EPHB1: variants seen among roughly 807,000 people sequenced by gnomAD.
EPHB1 encodes ephrin type-B receptor 1.
Under a neutral mutation model 94.4 loss-of-function variants are expected in EPHB1, and 30 were observed. The ratio of observed to expected loss-of-function variants is 0.32; its 90% CI spans 0.24 to 0.43. The LOEUF is 0.43. Ranked by LOEUF, EPHB1 falls within the 20% of genes least tolerant of loss-of-function variation. The pLI, the probability that EPHB1 is intolerant of heterozygous loss-of-function variation, is 1.00. For missense variants in EPHB1, 1,055 were observed against 1,308.3 expected (o/e 0.81, Z 2.99); for synonymous variants, 522 against 489.1 (o/e 1.07, Z -0.89).
chr3:134,862,406 C>T (rs2037284295), intron 1 of EPHB1, among the ~76,000 whole-genome samples: 1 of 151,564 alleles, frequency 6.6e-6, no homozygotes, highest in Admixed American at 6.6e-5. Flanking sequence ...GATTTAACCA[C>T]AGTTCTTTCT....
intron 1 of EPHB1, among the ~76,000 whole-genome samples, chr3:134,847,685 G>A (rs1381557328): frequency 2.0e-5 from 3 of 152,216 alleles, no homozygotes; most frequent in African/African-American, 7.2e-5. Context: ...GCATCCTCAC[G>A]AGTATCACAG....
At chr3:134,964,814 G>A (rs947381392) in intron 3 of EPHB1, among the ~76,000 whole-genome samples, 1 of 151,966 alleles carries the variant, frequency 6.6e-6, no homozygotes, top group Admixed American at 6.6e-5. Context: ...GACTTGTTTC[G>A]AAAAGAGGGA....
At chr3:134,970,119 C>T (rs1933909558) in intron 3 of EPHB1, among the ~76,000 whole-genome samples, 1 of 152,136 alleles carries the variant, frequency 6.6e-6, no homozygotes, top group African/African-American at 2.4e-5. Context: ...TTGATGAAGT[C>T]CAGTTAATCC....
intron 1 of EPHB1, among the ~76,000 whole-genome samples, chr3:134,857,515 C>T (rs1413360354): frequency 2.6e-5 from 4 of 152,128 alleles, no homozygotes; most frequent in African/African-American, 9.7e-5. Context: ...CTCAATAGCT[C>T]CTCCTGTGCA....
intron 1 of EPHB1, among the ~76,000 whole-genome samples, chr3:134,824,829 ACAGCCAGCACCAACTGC>A (rs993158767): frequency 4.1e-4 from 62 of 152,236 alleles, no homozygotes; most frequent in African/African-American, 1.3e-3. Context: ...CTTCCAGCTG[ACAGCCAGCACCAACTGC>A]CAGCCAGCAC....
In EPHB1 at chr3:135,248,353, C is replaced by A. The variant is rs1473679734; in HGVS notation, c.2534C>A (p.Pro845Gln). The A allele has an allele frequency of 1.3e-6, 2 of 1,598,542 alleles. No individual in the cohort carries two copies. The highest frequency in any genetic ancestry group is 2.7e-5 in the African/African-American group (2 of 74,540). Residue 845 changes from proline (P) to glutamine (Q), a missense_variant, in exon 14 of 16, where the codon CCA becomes CAA. Coordinates refer to ENST00000398015, the MANE Select transcript of EPHB1 (RefSeq NM_004441.5). Reference protein sequence around the residue: ...NAIEQDYRLPPPMDCPAALHQ... With the variant: ...NAIEQDYRLPQPMDCPAALHQ... ...ATCGAGCAGGACTACCGGCTGCCCC[C>A]ACCCATGGACTGTCCAGCTGCTCTA...
intron 1 of EPHB1, among the ~76,000 whole-genome samples, chr3:134,887,580 A>G (rs2037885531): frequency 6.6e-6 from 1 of 152,228 alleles, no homozygotes; most frequent in Non-Finnish European, 1.5e-5. Flanking sequence ...ATTTGTTTCC[A>G]TTTATATCTT....
chr3:134,827,956 A>G (rs1042858170), intron 1 of EPHB1, among the ~76,000 whole-genome samples: 32 of 152,004 alleles, frequency 2.1e-4, no homozygotes, highest in African/African-American at 7.2e-4. Context: ...CCTCACCAGC[A>G]TCTCTTTGTT....
At chr3:135,223,385 T>C (rs1943317726) in intron 12 of EPHB1, among the ~76,000 whole-genome samples, 1 of 152,230 alleles carries the variant, frequency 6.6e-6, no homozygotes, top group Non-Finnish European at 1.5e-5. Context: ...TACCAAGGTT[T>C]CCTTTCAAAC....
chr3:134,809,382 T>TAAA (rs1553852866), intron 1 of EPHB1, among the ~76,000 whole-genome samples: 1 of 139,384 alleles, frequency 7.2e-6, no homozygotes, highest in African/African-American at 2.9e-5. Context: ...TTTTTTTTTT[T>TAAA]AAAAAAACAC....
chr3:135,099,255 A>C (rs1461658853), intron 3 of EPHB1, among the ~76,000 whole-genome samples: 1 of 152,208 alleles, frequency 6.6e-6, no homozygotes, highest in Non-Finnish European at 1.5e-5. Flanking sequence ...CAAAGATGGC[A>C]ACACCTATTA....
chr3:135,158,839 C>T (rs7620133), intron 6 of EPHB1, among the ~76,000 whole-genome samples: 39,090 of 152,072 alleles, frequency 0.26, 6,199 homozygotes, highest in East Asian at 0.56. Flanking sequence ...AATGATTAAA[C>T]GTTTATGGTT....
At chr3:134,839,438 T>C (rs2036737308) in intron 1 of EPHB1, among the ~76,000 whole-genome samples, 1 of 152,120 alleles carries the variant, frequency 6.6e-6, no homozygotes, top group Non-Finnish European at 1.5e-5. Flanking sequence ...GAGATGGTCA[T>C]GGAAGAAAGC....
chr3:135,227,458 A>C (rs1943429053), intron 12 of EPHB1, among the ~76,000 whole-genome samples: 1 of 152,138 alleles, frequency 6.6e-6, no homozygotes, highest in African/African-American at 2.4e-5. Flanking sequence ...TTACTCTCAA[A>C]AAAATGGTCT....
chr3:135,258,072 TCGTGCACGCA>T (rs1453650824), intron 15 of EPHB1, among the ~76,000 whole-genome samples: 2 of 152,092 alleles, frequency 1.3e-5, no homozygotes, highest in Non-Finnish European at 2.9e-5. Context: ...CTGCTTCGGC[TCGTGCACGCA>T]CCCACTGACC....
intron 9 of EPHB1, among the ~76,000 whole-genome samples, chr3:135,178,224 A>ATG (rs1553744896): frequency 7.2e-6 from 1 of 139,422 alleles, no homozygotes; most frequent in Admixed American, 7.1e-5. Context: ...GAGGCCGGGG[A>ATG]GGGGGGGTGG....
Position 134,795,446 on chromosome 3 carries a change from C to G in EPHB1, c.-186C>G. 3 of 583,632 alleles carry G rather than the reference C, an allele frequency of 5.1e-6. No individual in the cohort carries two copies. The highest frequency in any genetic ancestry group is 8.8e-6 in the Non-Finnish European group (3 of 339,788). 36.2% of individuals were successfully genotyped at this position (583,632 alleles called of 1,614,324 possible). A position where few individuals can be genotyped will look rare whatever the true frequency, so the allele number is the denominator to read the frequency against. ...ATGCACACCCACACCCACGCGCGCCCGCACCGCCCCACGCGCACACACTCC... is the reference window on the plus strand; with the variant it reads ...ATGCACACCCACACCCACGCGCGCCGGCACCGCCCCACGCGCACACACTCC... On this transcript the variant is annotated 5_prime_UTR_variant, in exon 1 of 16. Transcript: ENST00000398015.
chr3:135,074,696 G>A (rs1455027378), intron 3 of EPHB1, among the ~76,000 whole-genome samples: 1 of 152,126 alleles, frequency 6.6e-6, no homozygotes, highest in Non-Finnish European at 1.5e-5. Context: ...TGTGGCTTTG[G>A]GCCATCCCCT....
chr3:135,147,335 T>G (rs1941041811), intron 5 of EPHB1, among the ~76,000 whole-genome samples: 1 of 152,222 alleles, frequency 6.6e-6, no homozygotes, highest in African/African-American at 2.4e-5. Flanking sequence ...GCAGTTCCAA[T>G]CCTAGGTTGA....
Sources: allele counts gnomAD v4.1 joint callset (sites outside exome capture counted in the v4.1 genomes callset), GRCh38; gene constraint gnomAD v4.1.1; transcripts MANE v1.5; gene names NCBI Gene and HGNC (gene_info 2026-07-23, HGNC 2026-07-21).